ZFYVE9: variants seen among roughly 807,000 people sequenced by gnomAD.
ZFYVE9 encodes zinc finger FYVE-type containing 9.
Under a neutral mutation model 126.7 loss-of-function variants are expected in ZFYVE9, and 43 were observed. The observed-to-expected ratio is 0.34, with a 90% CI of 0.27 to 0.44. The LOEUF is 0.44. Ranked by LOEUF, ZFYVE9 falls within the 20% of genes least tolerant of loss-of-function variation. The pLI is 1.00. For missense variants in ZFYVE9, 1,476 were observed against 1,697.0 expected (o/e 0.87, Z 2.29); for synonymous variants, 521 against 597.4 (o/e 0.87, Z 1.87).
At chr1:52,176,091 G>A (rs1023554489) in intron 1 of ZFYVE9, among the ~76,000 whole-genome samples, 3 of 152,154 alleles carry the variant, frequency 2.0e-5, no homozygotes, top group Admixed American at 1.3e-4. Flanking sequence ...AGAGTTTCCA[G>A]TTTTTCTGCT....
At chr1:52,316,099 AG>A (rs1196710508) in intron 13 of ZFYVE9, among the ~76,000 whole-genome samples, 2 of 123,738 alleles carry the variant, frequency 1.6e-5, no homozygotes, top group Admixed American at 1.1e-4. Context: ...CAGAAGGCAG[AG>A]GTTGCAGTGA....
At chr1:52,221,335 C>G (rs1645122727) in intron 2 of ZFYVE9, among the ~76,000 whole-genome samples, 1 of 152,082 alleles carries the variant, frequency 6.6e-6, no homozygotes, top group Non-Finnish European at 1.5e-5. Flanking sequence ...CAGTCTGACT[C>G]TAGTTTGAGA....
At chr1:52,213,304 A>G (rs1645044011) in intron 1 of ZFYVE9, among the ~76,000 whole-genome samples, 1 of 152,216 alleles carries the variant, frequency 6.6e-6, no homozygotes. Flanking sequence ...TGAATGCAAT[A>G]ATTTTATTTT....
intron 1 of ZFYVE9, chr1:52,179,949 A>C (rs762498055): frequency 3.7e-6 from 4 of 1,067,806 alleles, no homozygotes; most frequent in Non-Finnish European, 4.3e-6. Flanking sequence ...TGAGCAGCGC[A>C]TCCTCCAGCA....
At chr1:52,252,995 C>CT (rs1250973145) in intron 4 of ZFYVE9, among the ~76,000 whole-genome samples, 1 of 152,188 alleles carries the variant, frequency 6.6e-6, no homozygotes, top group African/African-American at 2.4e-5. Flanking sequence ...AGGCAGATCA[C>CT]TTGAGCCCAG....
Position 52,346,207 on chromosome 1 carries a change from G to T in ZFYVE9, c.4264G>T (p.Glu1422Ter). ...CATGGAACTCATCTTTTATATTCTG[G>T]AAAACATCGTATAAACAGAGAAGAC... ...VVMELIFYIL[E>*]NIV Residue 1422 changes from glutamate (E) to a stop codon, truncating the protein, a stop_gained, in exon 19 of 19, where the codon GAA becomes TAA. Transcript: ENST00000287727. LOFTEE classifies it high-confidence loss of function. 6.2e-7 allele frequency: 1 copy of T among 1,600,690 alleles called. No homozygotes were observed. The highest frequency in any genetic ancestry group is 8.5e-7 in the Non-Finnish European group (1 of 1,172,204).
intron 1 of ZFYVE9, among the ~76,000 whole-genome samples, chr1:52,163,236 T>C (rs1217016190): frequency 2.0e-5 from 3 of 152,238 alleles, no homozygotes. Context: ...TTTACCTTGA[T>C]TTATCTTCAA....
intron 1 of ZFYVE9, among the ~76,000 whole-genome samples, chr1:52,166,731 C>T (rs1033294667): frequency 6.6e-6 from 1 of 152,006 alleles, no homozygotes; most frequent in African/African-American, 2.4e-5. Context: ...TAGACAACAT[C>T]TTGTCCCATC....
rs1261717043 is a variant in ZFYVE9, at chr1:52,237,985, A to G, written c.568A>G (p.Arg190Gly). 6.2e-7 allele frequency: 1 copy of G among 1,614,098 alleles called. No homozygotes were observed. Among genetic ancestry groups the G allele is most frequent in the South Asian group, 1.1e-5 (1 of 91,080 alleles). ...AFSCSLDNEN[R>G]QTDQFSFSIN... ...TAGCTGTTCACTGGATAATGAAAAC[A>G]GACAAACTGATCAATTTAGTTTTAG... The change falls in exon 4 of 19, where the codon AGA (arginine) becomes GGA (glycine). Residue 190 changes from arginine to glycine, a missense_variant. Arg to Gly is a moderately radical substitution (Grantham distance 125). This residue lies in a region of ZFYVE9 where 807 missense variants were observed against 794.6 expected (regional missense o/e 1.02). Transcript: ENST00000287727.
intron 4 of ZFYVE9, among the ~76,000 whole-genome samples, chr1:52,262,639 C>A (rs1645590299): frequency 6.6e-6 from 1 of 152,096 alleles, no homozygotes; most frequent in African/African-American, 2.4e-5. Flanking sequence ...TTTAATATGA[C>A]CCCTCATCTC....
chr1:52,305,366 T>C (rs1029190484), intron 13 of ZFYVE9, among the ~76,000 whole-genome samples: 2 of 152,006 alleles, frequency 1.3e-5, no homozygotes, highest in Non-Finnish European at 2.9e-5. Flanking sequence ...GAGGCAGAGG[T>C]TGCAGTGAGC....
chr1:52,268,288 T>C (rs567804785), intron 6 of ZFYVE9, among the ~76,000 whole-genome samples, 175 bp from the exon 7 acceptor site: 1 of 152,378 alleles, frequency 6.6e-6, no homozygotes, highest in East Asian at 1.9e-4. Context: ...TAAATTTGTA[T>C]TTTTAATTCA....
At chr1:52,182,902 A>G (rs548501968) in intron 1 of ZFYVE9, among the ~76,000 whole-genome samples, 69 of 152,200 alleles carry the variant, frequency 4.5e-4, no homozygotes, top group African/African-American at 1.6e-3. Flanking sequence ...CCTAGTCACT[A>G]TTTTTTGACA....
intron 10 of ZFYVE9, among the ~76,000 whole-genome samples, chr1:52,290,529 A>T (rs540129628): frequency 2.9e-4 from 44 of 152,102 alleles, no homozygotes; most frequent in African/African-American, 9.4e-4. Flanking sequence ...ATGAAAAAAA[A>T]TTTTTTTCTC....
chr1:52,261,076 C>T (rs904930339), intron 4 of ZFYVE9, among the ~76,000 whole-genome samples: 4 of 152,098 alleles, frequency 2.6e-5, no homozygotes, highest in African/African-American at 9.7e-5. Flanking sequence ...CTTACCCATC[C>T]TTCAGATTTG....
At chr1:52,281,407 A>C (rs1476108853) in intron 9 of ZFYVE9, among the ~76,000 whole-genome samples, 1 of 152,208 alleles carries the variant, frequency 6.6e-6, no homozygotes, top group Non-Finnish European at 1.5e-5. Flanking sequence ...TGCTGGGATT[A>C]CAGGCGTGAG....
At chr1:52,301,751 T>C (rs558341493) in intron 12 of ZFYVE9, among the ~76,000 whole-genome samples, 6 of 152,340 alleles carry the variant, frequency 3.9e-5, no homozygotes, top group African/African-American at 1.4e-4. Context: ...TCTGATATTT[T>C]TTCTGTTCAT....
intron 1 of ZFYVE9, chr1:52,160,593 A>C (rs1174844461): frequency 1.4e-6 from 1 of 724,012 alleles, no homozygotes; most frequent in African/African-American, 1.7e-5. Flanking sequence ...CATTCAAAGG[A>C]ATAGTCCATA....
At chr1:52,165,222 T>A (rs1644501780) in intron 1 of ZFYVE9, among the ~76,000 whole-genome samples, 1 of 152,172 alleles carries the variant, frequency 6.6e-6, no homozygotes, top group East Asian at 1.9e-4. Context: ...AAAACTCATA[T>A]CAGACTTAGT....
Sources: allele counts gnomAD v4.1 joint callset (sites outside exome capture counted in the v4.1 genomes callset), GRCh38; gene constraint gnomAD v4.1.1; regional missense constraint gnomAD v4.1.1; transcripts MANE v1.5; gene names NCBI Gene and HGNC (gene_info 2026-07-23, HGNC 2026-07-21).